PKHD1: variants seen among roughly 807,000 people sequenced by gnomAD.
PKHD1 encodes fibrocystin.
Under a neutral mutation model 412.0 loss-of-function variants are expected in PKHD1, and 291 were observed. The observed-to-expected ratio is 0.71, with a 90% confidence interval of 0.64 to 0.78. The LOEUF is 0.78. Among genes scored for constraint, PKHD1 ranks in the 30% least tolerant of loss-of-function variants. PKHD1 has a pLI of 0.00. For missense variants in PKHD1, 4,825 were observed against 4,950.7 expected, an observed-to-expected ratio of 0.97 and a Z score of 0.76; for synonymous variants, 1,777 against 1,821.5, an observed-to-expected ratio of 0.98 and a Z score of 0.62.
chr6:51,981,639 G>T, intron 35 of PKHD1, among the ~76,000 whole-genome samples: 1 of 136,642 alleles, frequency 7.3e-6, no homozygotes, highest in Non-Finnish European at 1.7e-5. Flanking sequence ...GCCCAGGCTG[G>T]AGTGCAGTGG....
chr6:51,836,592 A>G (rs968566102), intron 50 of PKHD1, 123 bp from the exon 51 acceptor site: 6 of 725,712 alleles, frequency 8.3e-6, no homozygotes, highest in Non-Finnish European at 1.5e-5. Flanking sequence ...AAAACAGAAA[A>G]ATGAAATCCT....
At chr6:52,073,957 G>A (rs1028412895) in intron 6 of PKHD1, among the ~76,000 whole-genome samples, 2 of 152,164 alleles carry the variant, frequency 1.3e-5, no homozygotes, top group African/African-American at 2.4e-5. Context: ...CAGGCTTCAT[G>A]AGACTTTCCT....
chr6:51,809,760 G>A (rs764796464), intron 52 of PKHD1, among the ~76,000 whole-genome samples: 2 of 150,912 alleles, frequency 1.3e-5, no homozygotes, highest in Non-Finnish European at 3.0e-5. Flanking sequence ...GGAATTTATT[G>A]TCTATTGCAT....
Position 51,906,234 on chromosome 6 carries a change from T to C in PKHD1, c.6789A>G (p.Leu2263=), listed in dbSNP as rs756262878. 1.2e-6 allele frequency: 2 copies of C among 1,611,850 alleles called. No homozygotes were observed. Among genetic ancestry groups the C allele is most frequent in the Non-Finnish European group, 8.5e-7 (1 of 1,178,334 alleles). ...ACTTACCAACTAGCAGCGCATGACC[T>C]AAAATATTGTAGAATACATTACTGT... ...KVDSNVFYNI[L]GHALLVGTCT... is the part of the protein sequence containing the mutation. Residue 2263 remains leucine (L), a synonymous_variant, in exon 41 of 67, where the codon TTA becomes TTG. Coordinates refer to ENST00000371117, the MANE Select transcript of PKHD1 (RefSeq NM_138694.4).
At chr6:51,888,162 A>G (rs560814536) in intron 43 of PKHD1, among the ~76,000 whole-genome samples, 125 of 152,368 alleles carry the variant, frequency 8.2e-4, no homozygotes, top group Non-Finnish European at 1.5e-3. Context: ...GAGTACAACT[A>G]CAACTCAAAT....
At chr6:51,980,305 C>G (rs910751263) in intron 35 of PKHD1, among the ~76,000 whole-genome samples, 1 of 152,150 alleles carries the variant, frequency 6.6e-6, no homozygotes, top group East Asian at 1.9e-4. Context: ...ACTCCTGCCA[C>G]CATGTCTGCC....
intron 60 of PKHD1, among the ~76,000 whole-genome samples, chr6:51,698,761 C>A (rs893544855): frequency 6.6e-6 from 1 of 152,136 alleles, no homozygotes; most frequent in Non-Finnish European, 1.5e-5. Flanking sequence ...CTTTCATATG[C>A]TATTATATTA....
intron 60 of PKHD1, among the ~76,000 whole-genome samples, chr6:51,673,967 C>T (rs529365176): frequency 6.6e-6 from 1 of 152,218 alleles, no homozygotes; most frequent in South Asian, 2.1e-4. Context: ...GTTGGGTGAG[C>T]TCATGAATGG....
At chr6:51,628,665 G>A (rs1767574097) in intron 65 of PKHD1, among the ~76,000 whole-genome samples, 2 of 152,142 alleles carry the variant, frequency 1.3e-5, no homozygotes, top group African/African-American at 4.8e-5. Flanking sequence ...TTTGCATAGT[G>A]GCTGAACTAA....
intron 52 of PKHD1, among the ~76,000 whole-genome samples, chr6:51,806,818 T>G (rs9395725): frequency 0.76 from 115,128 of 151,952 alleles, 43,859 homozygotes; most frequent in East Asian, 0.97. Context: ...AAGGAGACAA[T>G]TATGGACTGA....
At chr6:51,954,409 C>T (rs764717973) in intron 36 of PKHD1, among the ~76,000 whole-genome samples, 1 of 152,064 alleles carries the variant, frequency 6.6e-6, no homozygotes, top group Non-Finnish European at 1.5e-5. Flanking sequence ...CAGATTCAGG[C>T]TCAGTTCTTT....
intron 35 of PKHD1, among the ~76,000 whole-genome samples, chr6:51,977,228 C>A (rs1175141549): frequency 6.6e-6 from 1 of 152,050 alleles, no homozygotes; most frequent in African/African-American, 2.4e-5. Context: ...AGAAGGCAAC[C>A]CTCAGTATAT....
intron 35 of PKHD1, among the ~76,000 whole-genome samples, chr6:51,980,174 T>G (rs564005765): frequency 1.3e-5 from 2 of 152,356 alleles, no homozygotes; most frequent in African/African-American, 4.8e-5. Flanking sequence ...AAATGGGGGA[T>G]GTCAGTGACA....
Position 52,073,499 on chromosome 6 carries a change from A to C in PKHD1, c.491T>G (p.Leu164Trp), listed in dbSNP as rs753260895. Residue 164 changes from leucine to tryptophan, a missense_variant, in exon 7 of 67, where the codon TTG (leucine) becomes TGG (tryptophan). Coordinates refer to ENST00000371117, the MANE Select transcript of PKHD1 (RefSeq NM_138694.4). The stretch of plus-strand genomic sequence containing the variant: ...CTCAGCATCAAAATCAAAAGTTTCC[A>C]ATCTTCCAGTGATAATCCAGCCATA... Reference protein sequence around the residue: ...HVYGWIITGRLETFDFDAEYI... With the variant: ...HVYGWIITGRWETFDFDAEYI... The C allele has an allele frequency of 4.3e-6, 7 of 1,609,922 alleles. No individual in the cohort carries two copies. The South Asian group carries it at 6.6e-5, about 15-fold the overall frequency.
chr6:51,847,470 T>G lies in PKHD1; in HGVS notation c.8107+305A>C, dbSNP rs192196573. On this transcript the variant is annotated intron_variant, in intron 50 of 66. Transcript: ENST00000371117. ...AGCATTTTTTGTGGGCTAGGCCTTC[T>G]GCTCAAGAGTTTTACATGTTATTCT... 1.0e-3 allele frequency among the ~76,000 whole-genome samples: 159 copies of G among 152,300 alleles called. 2 individuals carry two copies. Among genetic ancestry groups the G allele is most frequent in the African/African-American group, 3.5e-3 (145 of 41,550 alleles).
At chr6:51,647,152 T>C (rs56286997) in intron 63 of PKHD1, among the ~76,000 whole-genome samples, 3,983 of 152,350 alleles carry the variant, frequency 0.026, 79 homozygotes, top group Non-Finnish European at 0.042. Context: ...TATATTGTAC[T>C]GTTTGACAAC....
chr6:51,807,485 ATGTGTGTGTGTGTGTGTG>A (rs567506746), intron 52 of PKHD1, among the ~76,000 whole-genome samples: 1 of 111,794 alleles, frequency 8.9e-6, no homozygotes, highest in South Asian at 2.7e-4. Context: ...ATATATGTAT[ATGTGTGTGTGTGTGTGTG>A]TGTGTGTGTG....
At chr6:51,677,312 T>C (rs1776003712) in intron 60 of PKHD1, among the ~76,000 whole-genome samples, 1 of 152,120 alleles carries the variant, frequency 6.6e-6, no homozygotes, top group Non-Finnish European at 1.5e-5. Flanking sequence ...CCATTTTCAA[T>C]GAGGAGGATG....
intron 46 of PKHD1, among the ~76,000 whole-genome samples, chr6:51,873,843 G>C (rs577519680): frequency 4.3e-4 from 65 of 152,020 alleles, no homozygotes; most frequent in African/African-American, 1.5e-3. Context: ...TGCAACACAA[G>C]ACAAATCAAA....
Sources: allele counts gnomAD v4.1 joint callset (sites outside exome capture counted in the v4.1 genomes callset), GRCh38; gene constraint gnomAD v4.1.1; transcripts MANE v1.5; gene names NCBI Gene and HGNC (gene_info 2026-07-23, HGNC 2026-07-21).